SNX29: variants seen among roughly 807,000 people sequenced by gnomAD.
SNX29 encodes sorting nexin-29.
Under a neutral mutation model 102.1 loss-of-function variants are expected in SNX29, and 78 were observed. That is an observed-to-expected ratio of 0.76 (90% confidence interval 0.64 to 0.92). SNX29 has a LOEUF of 0.92. Ranked by LOEUF, SNX29 falls within the 40% of genes least tolerant of loss-of-function variation. The pLI, the probability that SNX29 is intolerant of heterozygous loss-of-function variation, is 0.00. For synonymous variants in SNX29, 580 were observed against 414.5 expected, an observed-to-expected ratio of 1.40 and a Z score of -4.85; for missense variants, 1,280 against 1,061.7, an observed-to-expected ratio of 1.21 and a Z score of -2.86.
chr16:12,082,885 C>T (rs1362755206), intron 11 of SNX29, among the ~76,000 whole-genome samples: 1 of 152,150 alleles, frequency 6.6e-6, no homozygotes, highest in Admixed American at 6.5e-5. Flanking sequence ...TGTTTTCCCA[C>T]CCTGCCATCA....
intron 20 of SNX29, among the ~76,000 whole-genome samples, chr16:12,546,917 G>A (rs552369766): frequency 1.1e-4 from 17 of 152,322 alleles, no homozygotes; most frequent in African/African-American, 2.6e-4. Flanking sequence ...GCCCTAGGAG[G>A]ATGAGAGCAG....
intron 18 of SNX29, among the ~76,000 whole-genome samples, chr16:12,415,165 G>A (rs1268886158): frequency 6.6e-6 from 1 of 152,254 alleles, no homozygotes; most frequent in Admixed American, 6.5e-5. Flanking sequence ...TGCCCTGGGA[G>A]CAGAAAACCA....
chr16:12,363,618 A>G (rs1156538029), intron 16 of SNX29, among the ~76,000 whole-genome samples: 1 of 152,218 alleles, frequency 6.6e-6, no homozygotes, highest in Non-Finnish European at 1.5e-5. Context: ...CATTCCCAGC[A>G]TGTAGTAGGT....
chr16:12,010,719 A>G (rs2056620403), intron 3 of SNX29, among the ~76,000 whole-genome samples: 1 of 151,946 alleles, frequency 6.6e-6, no homozygotes, highest in South Asian at 2.1e-4. Context: ...TCTCCTTTCA[A>G]AGCATGCAGA....
At position 12,398,713 on chromosome 16, in the gene SNX29, AT is replaced by A. The variant is rs34851402; in HGVS notation, c.1955+226del. Among the ~76,000 whole-genome samples the A allele has an allele frequency of 9.1e-3, 1,318 of 144,114 alleles. 20 individuals carry two copies. Among genetic ancestry groups the A allele is most frequent in the East Asian group, 0.062 (306 of 4,920 alleles). 94.5% of individuals were successfully genotyped at this position (144,114 alleles called of 152,430 possible). A position where few individuals can be genotyped will look rare whatever the true frequency, so the allele number is the denominator to read the frequency against. The stretch of plus-strand genomic sequence containing the variant: ...TTCTCACCCTTGGGTATTTAAAAAC[AT>A]TTTTTTTTTTTTTGGCTGACATTTA... On this transcript the variant is annotated intron_variant, in intron 17 of 20. Coordinates refer to ENST00000566228, the MANE Select transcript of SNX29 (RefSeq NM_032167.5).
intron 16 of SNX29, among the ~76,000 whole-genome samples, chr16:12,394,377 A>G (rs1198653396): frequency 6.6e-6 from 1 of 152,222 alleles, no homozygotes; most frequent in East Asian, 1.9e-4. Flanking sequence ...CTGGAGCCAG[A>G]CCACCTGTGT....
At chr16:12,031,694 A>T (rs756812370) in intron 4 of SNX29, among the ~76,000 whole-genome samples, 16 of 152,082 alleles carry the variant, frequency 1.1e-4, no homozygotes, top group Non-Finnish European at 2.2e-4. Flanking sequence ...AGTCCCAGCT[A>T]CTTGGGAGGC....
In SNX29 at chr16:12,356,146, C is replaced by T. The variant is rs1180099557; in HGVS notation, c.1783-17C>T. The T allele has an allele frequency of 3.1e-6, 5 of 1,607,004 alleles. No homozygotes were observed. Among genetic ancestry groups the T allele is most frequent in the Admixed American group, 1.7e-5 (1 of 59,420 alleles). ...ATGTCTGCCTCTAAGCCTCACCTTT[C>T]CGTGCTTGTGTTCCAGGTGGCAGAG... On this transcript the variant is annotated splice_polypyrimidine_tract_variant and intron_variant, in intron 15 of 20. Transcript: ENST00000566228.
intron 19 of SNX29, among the ~76,000 whole-genome samples, chr16:12,513,590 C>A (rs2089732198): frequency 6.6e-6 from 1 of 152,180 alleles, no homozygotes; most frequent in South Asian, 2.1e-4. Context: ...AGCTGCAGGA[C>A]CTGTTCCAGC....
At chr16:12,550,542 A>G (rs1012443295) in intron 20 of SNX29, among the ~76,000 whole-genome samples, 5 of 152,092 alleles carry the variant, frequency 3.3e-5, no homozygotes, top group Non-Finnish European at 4.4e-5. Context: ...AAAAAAAAAA[A>G]AAAAACCAAA....
chr16:12,143,304 A>G (rs1214495424), intron 13 of SNX29, among the ~76,000 whole-genome samples: 1 of 152,114 alleles, frequency 6.6e-6, no homozygotes, highest in African/African-American at 2.4e-5. Context: ...GCCGGCCACA[A>G]GCAAAGATTT....
chr16:12,207,337 C>T (rs1596507481), intron 14 of SNX29, among the ~76,000 whole-genome samples: 1 of 152,256 alleles, frequency 6.6e-6, no homozygotes, highest in South Asian at 2.1e-4. Context: ...CCACTTCACT[C>T]CGGCCTAGGT....
In SNX29 at chr16:12,572,693, CCAG is replaced by C. The variant is rs988785006; in HGVS notation, c.*4070_*4072del. The C allele has an allele frequency of 1.9e-6, 2 of 1,063,866 alleles. No individual in the cohort carries two copies. The highest frequency in any genetic ancestry group is 2.3e-6 in the Non-Finnish European group (2 of 878,378). 65.9% of individuals were successfully genotyped at this position (1,063,866 alleles called of 1,614,324 possible). ...ACCCACACGGGGGAAGCCCTGCACTCCAGCAGCATCTTCCAGCCTTGGCACAGA... is the reference window on the plus strand; with the variant it reads ...ACCCACACGGGGGAAGCCCTGCACTCCAGCATCTTCCAGCCTTGGCACAGA... On this transcript the variant is annotated 3_prime_UTR_variant, in exon 21 of 21. Coordinates refer to ENST00000566228, the MANE Select transcript of SNX29 (RefSeq NM_032167.5).
intron 13 of SNX29, among the ~76,000 whole-genome samples, chr16:12,144,672 C>T (rs568332939): frequency 6.6e-6 from 1 of 152,340 alleles, no homozygotes; most frequent in Admixed American, 6.5e-5. Context: ...ATTACCCAGC[C>T]TCAGGTATTC....
intron 3 of SNX29, among the ~76,000 whole-genome samples, chr16:12,024,709 G>T (rs2151107370): frequency 6.6e-6 from 1 of 152,248 alleles, no homozygotes; most frequent in East Asian, 1.9e-4. Flanking sequence ...TCCTCTTAGG[G>T]CCCTGGTTTT....
intron 7 of SNX29, among the ~76,000 whole-genome samples, chr16:12,051,195 G>A (rs2050283878): frequency 6.6e-6 from 1 of 152,064 alleles, no homozygotes; most frequent in Admixed American, 6.6e-5. Context: ...TGGGTGTTGT[G>A]GCATGCACCT....
chr16:12,364,212 T>TGTTATGTTAA (rs774751996), intron 16 of SNX29, among the ~76,000 whole-genome samples: 3,370 of 150,062 alleles, frequency 0.022, 58 homozygotes, highest in African/African-American at 0.039. Flanking sequence ...TGTTATGTTA[T>TGTTATGTTAA]GTTATTTTTG....
At chr16:12,151,340 A>G (rs958732123) in intron 13 of SNX29, among the ~76,000 whole-genome samples, 1 of 152,236 alleles carries the variant, frequency 6.6e-6, no homozygotes, top group Non-Finnish European at 1.5e-5. Context: ...CAGTCTCTTA[A>G]TATCTAAGTT....
chr16:12,499,354 A>G (rs575051679), intron 19 of SNX29, among the ~76,000 whole-genome samples: 1 of 152,320 alleles, frequency 6.6e-6, no homozygotes, highest in East Asian at 1.9e-4. Context: ...TTCACTGCTA[A>G]GTTCCAGGTG....
Sources: gnomAD v4.1 joint callset for allele counts (sites outside exome capture counted in the v4.1 genomes callset) on GRCh38, gnomAD v4.1.1 for gene constraint, MANE v1.5 for transcripts, NCBI Gene and HGNC (gene_info 2026-07-23, HGNC 2026-07-21) for gene names.